The following SUGCT variants were observed in gnomAD, a reference collection of about 807,000 sequenced individuals.
The protein encoded by SUGCT is succinyl-CoA:glutarate CoA-transferase.
In SUGCT, 41 loss-of-function variants were observed where a neutral mutation model predicts 55.0. That is an observed-to-expected ratio of 0.74 (90% confidence interval 0.58 to 0.97). SUGCT has a LOEUF of 0.97. Ranked by LOEUF, SUGCT falls within the 50% of genes least tolerant of loss-of-function variation. SUGCT has a pLI of 0.00. For synonymous variants in SUGCT, 187 were observed against 200.4 expected, an observed-to-expected ratio of 0.93 and a Z score of 0.56; for missense variants, 568 against 547.8, an observed-to-expected ratio of 1.04 and a Z score of -0.37.
chr7:40,181,137 G>A (rs1584270784), intron 2 of SUGCT, 139 bp downstream of exon 2: 1 of 692,108 alleles, frequency 1.4e-6, no homozygotes, highest in Admixed American at 2.6e-5. Context: ...AAAAATTGCT[G>A]TAATATCATC....
At chr7:40,180,378 A>G (rs1584268790) in intron 1 of SUGCT, among the ~76,000 whole-genome samples, 3 of 152,080 alleles carry the variant, frequency 2.0e-5, no homozygotes, top group East Asian at 3.9e-4. Flanking sequence ...TCCGCCTCCC[A>G]AAGTGGTGGG....
At chr7:40,418,014 G>T (rs1421190575) in intron 9 of SUGCT, among the ~76,000 whole-genome samples, 1 of 152,142 alleles carries the variant, frequency 6.6e-6, no homozygotes, top group African/African-American at 2.4e-5. Flanking sequence ...AGCTTCATGT[G>T]ATGTCAGCTG....
At chr7:40,606,671 G>A (rs1309156164) in intron 12 of SUGCT, among the ~76,000 whole-genome samples, 1 of 152,120 alleles carries the variant, frequency 6.6e-6, no homozygotes, top group Non-Finnish European at 1.5e-5. Context: ...TTCAAAAAAT[G>A]TTTTACTCTT....
intron 12 of SUGCT, among the ~76,000 whole-genome samples, chr7:40,661,771 C>T (rs948276695): frequency 7.2e-5 from 11 of 152,300 alleles, no homozygotes; most frequent in Admixed American, 3.9e-4. Flanking sequence ...TTCAGGCTTT[C>T]TGCAACACAA....
intron 12 of SUGCT, among the ~76,000 whole-genome samples, chr7:40,614,771 T>C (rs760226603): frequency 6.6e-6 from 1 of 152,140 alleles, no homozygotes; most frequent in Non-Finnish European, 1.5e-5. Context: ...GTTTCTTTAC[T>C]TATAAAATAG....
intron 9 of SUGCT, among the ~76,000 whole-genome samples, chr7:40,387,113 G>A (rs1785167993): frequency 6.6e-6 from 1 of 152,194 alleles, no homozygotes; most frequent in Admixed American, 6.6e-5. Context: ...TTCTCAGGAG[G>A]TAGGATGAGG....
intron 12 of SUGCT, among the ~76,000 whole-genome samples, chr7:40,622,382 G>T (rs1284981873): frequency 6.6e-6 from 1 of 152,098 alleles, no homozygotes; most frequent in African/African-American, 2.4e-5. Flanking sequence ...GAGGACCTCA[G>T]CTTTCATCAA....
At chr7:40,624,649 G>T (rs905702681) in intron 12 of SUGCT, among the ~76,000 whole-genome samples, 3 of 152,178 alleles carry the variant, frequency 2.0e-5, no homozygotes, top group South Asian at 4.1e-4. Flanking sequence ...TTTAAACTGC[G>T]ATGGTTAGAC....
At chr7:40,370,458 G>T (rs1406281233) in intron 9 of SUGCT, among the ~76,000 whole-genome samples, 1 of 152,012 alleles carries the variant, frequency 6.6e-6, no homozygotes, top group African/African-American at 2.4e-5. Flanking sequence ...ATATGAAGTT[G>T]GTTGCTTTGT....
the SUGCT span, chr7:40,965,218 A>C: frequency 6.6e-6 from 1 of 152,162 alleles, no homozygotes; most frequent in Admixed American, 6.5e-5. Flanking sequence ...GCTTCCCCTG[A>C]GGAACTAGCA....
the SUGCT span, among the ~76,000 whole-genome samples, chr7:40,963,430 T>G: frequency 1.3e-5 from 2 of 152,244 alleles, no homozygotes; most frequent in African/African-American, 4.8e-5. Context: ...CAATTGATAC[T>G]TTTTAAACAT....
At chr7:40,607,893 C>A (rs1798600928) in intron 12 of SUGCT, among the ~76,000 whole-genome samples, 1 of 152,192 alleles carries the variant, frequency 6.6e-6, no homozygotes, top group Non-Finnish European at 1.5e-5. Flanking sequence ...ATGTTTCTAC[C>A]TGATACTGCT....
chr7:40,522,401 A>G (rs1467250054), intron 12 of SUGCT, among the ~76,000 whole-genome samples: 2 of 152,096 alleles, frequency 1.3e-5, no homozygotes, highest in African/African-American at 2.4e-5. Flanking sequence ...CCCCAGCCAT[A>G]GGGGTGATAA....
the SUGCT span, among the ~76,000 whole-genome samples, chr7:40,977,131 C>A: frequency 6.6e-6 from 1 of 152,170 alleles, no homozygotes; most frequent in Admixed American, 6.5e-5. Context: ...AGATGGAGAC[C>A]TGAACACACA....
chr7:40,613,047 C>A (rs576350392), intron 12 of SUGCT, among the ~76,000 whole-genome samples: 48 of 152,138 alleles, frequency 3.2e-4, no homozygotes, highest in African/African-American at 1.1e-3. Flanking sequence ...GCAGGAGAAT[C>A]GCTTGAACCC....
At chr7:40,150,352 C>G (rs1176490540) in intron 1 of SUGCT, among the ~76,000 whole-genome samples, 1 of 152,174 alleles carries the variant, frequency 6.6e-6, no homozygotes, top group East Asian at 1.9e-4. Flanking sequence ...CTCCCCCAGT[C>G]CTCACCAAGT....
At chr7:40,431,675 T>G (rs1435437432) in intron 9 of SUGCT, among the ~76,000 whole-genome samples, 1 of 152,182 alleles carries the variant, frequency 6.6e-6, no homozygotes, top group Non-Finnish European at 1.5e-5. Flanking sequence ...TATTCCTAAG[T>G]ATTTTGTTGT....
chr7:40,482,651 T>C (rs900535290), intron 11 of SUGCT, among the ~76,000 whole-genome samples: 1 of 152,188 alleles, frequency 6.6e-6, no homozygotes, highest in African/African-American at 2.4e-5. Context: ...TATGTTTCCA[T>C]TCACACAGCT....
the SUGCT span, among the ~76,000 whole-genome samples, chr7:40,908,835 G>GA: frequency 6.6e-6 from 1 of 152,096 alleles, no homozygotes; most frequent in African/African-American, 2.4e-5. Context: ...ACTTAGTAAA[G>GA]AAAATACAAC....
Sources: gnomAD v4.1 joint callset for allele counts (sites outside exome capture counted in the v4.1 genomes callset) on GRCh38, gnomAD v4.1.1 for gene constraint, MANE v1.5 for transcripts, NCBI Gene and HGNC (gene_info 2026-07-23, HGNC 2026-07-21) for gene names.